Variants in SPTB observed in about 807,000 individuals in gnomAD.
SPTB encodes spectrin beta, erythrocytic, also known as spectrin beta chain, erythrocytic.
In SPTB, 45 loss-of-function variants were observed where a neutral mutation model predicts 256.2. The ratio of observed to expected loss-of-function variants is 0.18; its 90% CI spans 0.14 to 0.23. The LOEUF (loss-of-function observed/expected upper bound fraction) is 0.23. Ranked by LOEUF, SPTB falls within the 10% of genes least tolerant of loss-of-function variation. The pLI is 1.00. For missense variants in SPTB, 2,715 were observed against 3,040.4 expected (o/e 0.89, Z 2.52); for synonymous variants, 1,231 against 1,243.1 (o/e 0.99, Z 0.21).
Position 64,873,334 on chromosome 14 carries a change from G to T in SPTB, c.-52+6458C>A, listed in dbSNP as rs1178033622. On this transcript the variant is annotated intron_variant, in intron 1 of 35. Transcript: ENST00000644917. The surrounding 1 kb of genome is among the most constrained non-coding windows in gnomAD (Gnocchi z 4.3). ...CTACAGCATGTCTGGCAAATTAAAT[G>T]AGAACTCAGTAAATATTTGTTGAAG... Among the ~76,000 whole-genome samples the T allele has an allele frequency of 6.6e-6, 1 of 152,146 alleles. No individual in the cohort carries two copies. Among genetic ancestry groups the T allele is most frequent in the Non-Finnish European group, 1.5e-5 (1 of 68,020 alleles).
At chr14:64,867,099 G>A (rs1017681737) in intron 1 of SPTB, among the ~76,000 whole-genome samples, 34 of 152,190 alleles carry the variant, frequency 2.2e-4, no homozygotes, top group Admixed American at 1.6e-3. Context: ...TTGTTCCTCC[G>A]ATAAATGGGA....
intron 32 of SPTB, among the ~76,000 whole-genome samples, chr14:64,763,591 T>C (rs2082123412): frequency 6.6e-6 from 1 of 152,258 alleles, no homozygotes; most frequent in Non-Finnish European, 1.5e-5. Context: ...GAGAAGGCTT[T>C]ATAAGAGCGC....
At chr14:64,835,713 T>C (rs1236784691) in intron 1 of SPTB, among the ~76,000 whole-genome samples, 1 of 152,188 alleles carries the variant, frequency 6.6e-6, no homozygotes, top group Non-Finnish European at 1.5e-5. Flanking sequence ...CTTTATAGGA[T>C]TGTGTGGCAG....
In SPTB at chr14:64,750,007, C is replaced by G. The variant is rs2081920154; in HGVS notation, c.6750G>C (p.Lys2250Asn). Reference protein sequence around the residue: ...HAICEIAANYKKKKHVFKLRL... With the variant: ...HAICEIAANYNKKKHVFKLRL... ...TCAGCTTAAAGACGTGCTTCTTCTT[C>G]TTGTAGTTGGCAGCAATCTCACAGA... The change falls in exon 34 of 36, where the codon AAG becomes AAC. Residue 2250 changes from lysine to asparagine, a missense_variant. Physicochemically the swap from Lys to Asn is moderately conservative, Grantham distance 94. Coordinates refer to ENST00000644917, the MANE Select transcript of SPTB (RefSeq NM_001355436.2). The G allele has an allele frequency of 6.2e-7, 1 of 1,614,218 alleles. No homozygotes were observed. The highest frequency in any genetic ancestry group is 8.5e-7 in the Non-Finnish European group (1 of 1,180,032).
At chr14:64,837,821 A>G (rs998334261) in intron 1 of SPTB, among the ~76,000 whole-genome samples, 32 of 152,242 alleles carry the variant, frequency 2.1e-4, no homozygotes, top group African/African-American at 6.7e-4. Context: ...GGCAGGTCTC[A>G]AACTCCTGAC....
chr14:64,840,264 C>T (rs1056007701), intron 1 of SPTB, among the ~76,000 whole-genome samples: 7 of 152,194 alleles, frequency 4.6e-5, no homozygotes, highest in African/African-American at 1.7e-4. Context: ...TAGGATCCCT[C>T]CAAGTGAATC....
At chr14:64,822,370 T>TCACA (rs2083305230) in intron 2 of SPTB, among the ~76,000 whole-genome samples, 6 of 1,468 alleles carry the variant, frequency 4.1e-3, no homozygotes, top group African/African-American at 8.4e-3. Context: ...TCTCTCTCTC[T>TCACA]CTCTCACACA....
intron 6 of SPTB, 91 bp downstream of exon 6, chr14:64,801,663 A>C: frequency 7.4e-7 from 1 of 1,344,764 alleles, no homozygotes; most frequent in Non-Finnish European, 1.1e-6. Flanking sequence ...CAGAGGTCAC[A>C]TTTCTGTGAC....
intron 1 of SPTB, among the ~76,000 whole-genome samples, chr14:64,874,400 C>T (rs955656813): frequency 1.3e-5 from 2 of 152,222 alleles, no homozygotes; most frequent in African/African-American, 4.8e-5. Flanking sequence ...CTTTGTGTGT[C>T]TTCAGCACAT....
rs534082015 is a variant in SPTB, at chr14:64,852,748, C to A, written c.-52+27044G>T. Among the ~76,000 whole-genome samples the A allele has an allele frequency of 5.9e-5, 9 of 152,148 alleles. No homozygotes were observed. The highest frequency in any genetic ancestry group is 1.2e-4 in the Non-Finnish European group (8 of 67,998). On this transcript the variant is annotated intron_variant, in intron 1 of 35. Transcript: ENST00000644917. This position sits in a 1 kb window ranked among gnomAD's most constrained non-coding sequence, Gnocchi z 4.2. The stretch of plus-strand genomic sequence containing the variant: ...ATTACAAGACAAGGAGGAAGTTTAG[C>A]GGGGATAAAGGATGAGTTCAATGGG...
chr14:64,796,810 G>T lies in SPTB; in HGVS notation c.1183-95C>A. ...TTCACCCAACACTGAGTGATTTCTG[G>T]AATCAAGGTACAGCCTGATGCTCTT... On this transcript the variant is annotated intron_variant, in intron 10 of 35. Coordinates refer to ENST00000644917, the MANE Select transcript of SPTB (RefSeq NM_001355436.2). The surrounding 1 kb of genome is among the most constrained non-coding windows in gnomAD (Gnocchi z 4.1). The T allele has an allele frequency of 1.3e-6, 2 of 1,511,708 alleles. No individual in the cohort carries two copies. Among genetic ancestry groups the T allele is most frequent in the Non-Finnish European group, 9.1e-7 (1 of 1,096,380 alleles). 93.6% of individuals were successfully genotyped at this position (1,511,708 alleles called of 1,614,324 possible). A position where few individuals can be genotyped will look rare whatever the true frequency, so the allele number is the denominator to read the frequency against.
At position 64,759,182 on chromosome 14, in the gene SPTB, C is replaced by T. The variant is rs1237332451; in HGVS notation, c.6346-5389G>A. On this transcript the variant is annotated intron_variant, in intron 32 of 35. Coordinates refer to ENST00000644917, the MANE Select transcript of SPTB (RefSeq NM_001355436.2). The surrounding 1 kb of genome is among the most constrained non-coding windows in gnomAD (Gnocchi z 4.8). ...AAGAATCCATGGCCCTGCTTCCTAT[C>T]CACACAATGCCTCTGAAATCGGAAA... Among the ~76,000 whole-genome samples, 1 of 152,174 alleles carries T rather than the reference C, an allele frequency of 6.6e-6. No individual in the cohort carries two copies. The highest frequency in any genetic ancestry group is 2.4e-5 in the African/African-American group (1 of 41,434).
At chr14:64,854,770 A>G (rs1194277580) in intron 1 of SPTB, among the ~76,000 whole-genome samples, 2 of 152,214 alleles carry the variant, frequency 1.3e-5, no homozygotes, top group African/African-American at 4.8e-5. Context: ...GGATGCCGGC[A>G]GGCCAAGGCC....
intron 1 of SPTB, among the ~76,000 whole-genome samples, chr14:64,869,758 A>T (rs1428112761): frequency 1.3e-5 from 2 of 149,460 alleles, no homozygotes; most frequent in Non-Finnish European, 3.0e-5. Context: ...GAGTAGCTGG[A>T]ACTACAGGCA....
intron 1 of SPTB, among the ~76,000 whole-genome samples, chr14:64,848,538 C>T (rs758391127): frequency 6.6e-6 from 1 of 152,126 alleles, no homozygotes; most frequent in African/African-American, 2.4e-5. Context: ...GCACAATAAA[C>T]CTCTGATATT....
chr14:64,784,248 G>T lies in SPTB; in HGVS notation c.4001C>A (p.Ala1334Glu), dbSNP rs113139501. ...CCGCCGCCCAATCACTTTACTTACC[G>T]CATCGATGTTCTCTAGCCACCCTTC... ...SHEGWLENID[A>E]EGKQLMDEKP... The change falls in exon 19 of 36, where the codon GCG (alanine) becomes GAG (glutamate). Residue 1334 changes from alanine to glutamate, a missense_variant and splice_region_variant. Around this residue, in one of 4 missense-constraint regions of SPTB, gnomAD observed 2,239 missense variants for 2,384.4 expected, o/e 0.94. Coordinates refer to ENST00000644917, the MANE Select transcript of SPTB (RefSeq NM_001355436.2). 1 of 1,614,162 alleles carries T rather than the reference G, an allele frequency of 6.2e-7. No individual in the cohort carries two copies. The highest frequency in any genetic ancestry group is 1.1e-5 in the South Asian group (1 of 91,082).
Position 64,750,018 on chromosome 14 carries a change from C to T in SPTB, c.6739G>A (p.Ala2247Thr). 1 of 1,614,206 alleles carries T rather than the reference C, an allele frequency of 6.2e-7. No homozygotes were observed. The highest frequency in any genetic ancestry group is 8.5e-7 in the Non-Finnish European group (1 of 1,180,028). Residue 2247 changes from alanine (A) to threonine (T), a missense_variant, in exon 34 of 36, where the codon GCC (alanine) becomes ACC (threonine). Around this residue, in one of 4 missense-constraint regions of SPTB, gnomAD observed 2,239 missense variants for 2,384.4 expected, o/e 0.94. Transcript: ENST00000644917. ...ALRHAICEIA[A>T]NYKKKKHVFK... ...ACGTGCTTCTTCTTCTTGTAGTTGG[C>T]AGCAATCTCACAGATGGCATGTCTC...
chr14:64,876,743 C>T (rs1882843691), intron 1 of SPTB, among the ~76,000 whole-genome samples: 1 of 152,128 alleles, frequency 6.6e-6, no homozygotes. Context: ...ATCCTCAGTA[C>T]CTTTTCTTTA....
intron 2 of SPTB, among the ~76,000 whole-genome samples, chr14:64,813,907 G>T (rs1460954644): frequency 6.6e-6 from 1 of 152,186 alleles, no homozygotes; most frequent in African/African-American, 2.4e-5. Context: ...GCCTAGCATG[G>T]GGCAGACTCT....
Sources: gnomAD v4.1 joint callset for allele counts (sites outside exome capture counted in the v4.1 genomes callset) on GRCh38, gnomAD v4.1.1 for gene constraint, gnomAD v4.1.1 regional missense constraint, Gnocchi (gnomAD v3.1) non-coding constraint, MANE v1.5 for transcripts, NCBI Gene and HGNC (gene_info 2026-07-23, HGNC 2026-07-21) for gene names.